Variants in GPRIN1 observed in about 807,000 individuals in gnomAD.
GPRIN1 encodes G protein regulated inducer of neurite outgrowth 1.
Under a neutral mutation model 2.8 loss-of-function variants are expected in GPRIN1, and 4 were observed. The observed-to-expected ratio is 1.45, with a 90% CI of 0.71 to 3.32. GPRIN1 has a LOEUF of 3.32. GPRIN1 is among the 30% of genes most tolerant of loss of function. The probability of loss-of-function intolerance (pLI) is 0.01; values close to 1 mark genes in which losing one functional copy is unlikely to be tolerated. For missense variants in GPRIN1, 1,322 were observed against 1,343.4 expected, an observed-to-expected ratio of 0.98 and a Z score of 0.25; for synonymous variants, 589 against 589.9, an observed-to-expected ratio of 1.00 and a Z score of 0.02.
intron 1 of GPRIN1, among the ~76,000 whole-genome samples, chr5:176,609,335 G>A (rs931011027): frequency 1.3e-5 from 2 of 152,170 alleles, no homozygotes; most frequent in African/African-American, 4.8e-5. Flanking sequence ...TGAGTGCGTA[G>A]CTGTGCCTGG....
Position 176,598,333 on chromosome 5 carries a change from C to G in GPRIN1, c.1502G>C (p.Gly501Ala), listed in dbSNP as rs201171426. 6 of 1,613,810 alleles carry G rather than the reference C, an allele frequency of 3.7e-6. No homozygotes were observed. The highest frequency in any genetic ancestry group is 5.1e-6 in the Non-Finnish European group (6 of 1,179,746). ...SSGPGDPRSLGTAGPPSAVKA... is the reference protein window; with the variant it reads ...SSGPGDPRSLATAGPPSAVKA... Reference sequence around the variant, plus strand: ...TACTGCAGATGGGGGACCTGCTGTCCCCAAGGACCTGGGATCGCCTGGACC... The same window carrying G: ...TACTGCAGATGGGGGACCTGCTGTCGCCAAGGACCTGGGATCGCCTGGACC... The change falls in exon 2 of 2, where the codon GGG becomes GCG. Residue 501 changes from glycine (G) to alanine (A), a missense_variant. Physicochemically the swap from Gly to Ala is moderately conservative, Grantham distance 60. This residue lies in a region of GPRIN1 where 1,117 missense variants were observed against 1,128.6 expected (regional missense o/e 0.99). Transcript: ENST00000303991.
rs965068609 is a variant in GPRIN1, at chr5:176,595,987, G to A, written c.*821C>T. ...GGTTATAGAATGAGCTCTCTGTCCT[G>A]TCCCCAATACCCAAGAACACCGGTC... On this transcript the variant is annotated 3_prime_UTR_variant, in exon 2 of 2. Transcript: ENST00000303991. 6 of 229,756 alleles carry A rather than the reference G, an allele frequency of 2.6e-5. No homozygotes were observed. Among genetic ancestry groups the A allele is most frequent in the Non-Finnish European group, 5.0e-5 (6 of 119,164 alleles). The allele number at this position is 229,756 out of a possible 1,614,324, so 14.2% of individuals were successfully genotyped here.
At position 176,608,165 on chromosome 5, in the gene GPRIN1, C is replaced by T. The variant is rs576573616; in HGVS notation, c.-44+1834G>A. ...AAATTCCTGGCCTCAAGCAATCCTCCTGCCTGGGCTTCTCAAAGTATTGGG... is the reference window on the plus strand; with the variant it reads ...AAATTCCTGGCCTCAAGCAATCCTCTTGCCTGGGCTTCTCAAAGTATTGGG... On this transcript the variant is annotated intron_variant, in intron 1 of 1. Transcript: ENST00000303991. 2.6e-5 allele frequency among the ~76,000 whole-genome samples: 4 copies of T among 152,040 alleles called. No individual in the cohort carries two copies. The East Asian group carries it at 7.7e-4, about 29-fold the overall frequency.
In GPRIN1 at chr5:176,604,448, C is replaced by G. The variant is rs372144164; in HGVS notation, c.-43-4571G>C. On this transcript the variant is annotated intron_variant, in intron 1 of 1. Transcript: ENST00000303991. The stretch of plus-strand genomic sequence containing the variant: ...TTGCCCAGGCTGGAGTGCAGTGGCG[C>G]GATCTCGGCTCACTGCAGCCTTGAC... Among the ~76,000 whole-genome samples the G allele has an allele frequency of 2.0e-5, 3 of 152,196 alleles. No individual in the cohort carries two copies. In the South Asian group the frequency reaches 6.2e-4, roughly 32 times the overall value.
chr5:176,600,142 C>T (rs1759124312), intron 1 of GPRIN1, among the ~76,000 whole-genome samples: 1 of 152,144 alleles, frequency 6.6e-6, no homozygotes, highest in South Asian at 2.1e-4. Context: ...TTTTTTGAGA[C>T]AGAGTTTCGC....
Position 176,598,031 on chromosome 5 carries a change from G to C in GPRIN1, c.1804C>G (p.Pro602Ala). 6.2e-7 allele frequency: 1 copy of C among 1,614,018 alleles called. No homozygotes were observed. Among genetic ancestry groups the C allele is most frequent in the Non-Finnish European group, 8.5e-7 (1 of 1,179,980 alleles). The change falls in exon 2 of 2, where the codon CCA (proline) becomes GCA (alanine). Residue 602 changes from proline (P) to alanine (A), a missense_variant. Pro to Ala is a conservative substitution (Grantham distance 27). Around this residue, in one of 3 missense-constraint regions of GPRIN1, gnomAD observed 1,117 missense variants for 1,128.6 expected, o/e 0.99. Coordinates refer to ENST00000303991, the MANE Select transcript of GPRIN1 (RefSeq NM_052899.3). ...PVSLGKAEAI[P>A]EGKVGSLPLE... ...GGCAGAGAACCCACTTTTCCCTCTGGGATAGCTTCTGCTTTTCCCAGGGAC... is the reference window on the plus strand; with the variant it reads ...GGCAGAGAACCCACTTTTCCCTCTGCGATAGCTTCTGCTTTTCCCAGGGAC...
intron 1 of GPRIN1, among the ~76,000 whole-genome samples, chr5:176,604,380 C>G (rs1022255032): frequency 2.0e-5 from 3 of 152,204 alleles, no homozygotes; most frequent in Admixed American, 2.0e-4. Flanking sequence ...CACTGGAAAC[C>G]CTGGAAGTAT....
At position 176,607,688 on chromosome 5, in the gene GPRIN1, G is replaced by T. The variant is rs184523256; in HGVS notation, c.-44+2311C>A. On this transcript the variant is annotated intron_variant, in intron 1 of 1. Coordinates refer to ENST00000303991, the MANE Select transcript of GPRIN1 (RefSeq NM_052899.3). ...TGGATCCCACAACAATCTCATGAGG[G>T]GGGCATTATCATCCCATTTCACAGA... 5.8e-3 allele frequency among the ~76,000 whole-genome samples: 876 copies of T among 152,008 alleles called. 2 individuals carry two copies. The highest frequency in any genetic ancestry group is 9.2e-3 in the Non-Finnish European group (627 of 67,992).
In GPRIN1 at chr5:176,597,322, G is replaced by C; in HGVS notation, c.2513C>G (p.Ser838Trp). ...CGGCGCCGCCTGGAAGCTGAAGGCC[G>C]AGCCCCCAGCGCCGTCCTGCGGAGA... ...PMSPQDGAGGSAFSFQAAPRA... is the reference protein window; with the variant it reads ...PMSPQDGAGGWAFSFQAAPRA... The change falls in exon 2 of 2, where the codon TCG becomes TGG. Residue 838 changes from serine (S) to tryptophan (W), a missense_variant. Physicochemically the swap from Ser to Trp is radical, Grantham distance 177. This residue lies in a region of GPRIN1 where 1,117 missense variants were observed against 1,128.6 expected (regional missense o/e 0.99). Transcript: ENST00000303991. The surrounding 1 kb of genome is among the most constrained non-coding windows in gnomAD (Gnocchi z 6.1). 2 of 1,236,300 alleles carry C rather than the reference G, an allele frequency of 1.6e-6. No individual in the cohort carries two copies. The highest frequency in any genetic ancestry group is 2.0e-6 in the Non-Finnish European group (2 of 991,680). The allele number at this position is 1,236,300 out of a possible 1,614,324, so 76.6% of individuals were successfully genotyped here. A position where few individuals can be genotyped will look rare whatever the true frequency, so the allele number is the denominator to read the frequency against.
In GPRIN1 at chr5:176,596,915, C is replaced by T. The variant is rs1759045345; in HGVS notation, c.2920G>A (p.Ala974Thr). The change falls in exon 2 of 2, where the codon GCG becomes ACG. Residue 974 changes from alanine to threonine, a missense_variant. Ala to Thr is a moderately conservative substitution (Grantham distance 58). Coordinates refer to ENST00000303991, the MANE Select transcript of GPRIN1 (RefSeq NM_052899.3). This position sits in a 1 kb window ranked among gnomAD's most constrained non-coding sequence, Gnocchi z 5.2. ...CGCTTGGCGGCGCCATCTGGGGGCG[C>T]GGTGCGCACCGAGCCCGAACGGCCG... ...GPGRSGSVRT[A>T]PPDGAAKRPP... is the part of the protein sequence containing the mutation. 7.5e-6 allele frequency: 9 copies of T among 1,206,756 alleles called. No individual in the cohort carries two copies. The highest frequency in any genetic ancestry group is 9.3e-6 in the Non-Finnish European group (9 of 972,354). 74.8% of individuals were successfully genotyped at this position (1,206,756 alleles called of 1,614,324 possible). A position where few individuals can be genotyped will look rare whatever the true frequency, so the allele number is the denominator to read the frequency against.
chr5:176,595,938 G>T lies in GPRIN1; in HGVS notation c.*870C>A. 2.8e-6 allele frequency: 1 copy of T among 352,846 alleles called. No homozygotes were observed. The highest frequency in any genetic ancestry group is 5.1e-6 in the Non-Finnish European group (1 of 196,628). The allele number at this position is 352,846 out of a possible 1,614,324, so 21.9% of individuals were successfully genotyped here. A position where few individuals can be genotyped will look rare whatever the true frequency, so the allele number is the denominator to read the frequency against. On this transcript the variant is annotated 3_prime_UTR_variant, in exon 2 of 2. Coordinates refer to ENST00000303991, the MANE Select transcript of GPRIN1 (RefSeq NM_052899.3). Reference sequence around the variant, plus strand: ...CACAGGGGGGACAAGGGGCTGGAGAGGGTGGCCTTTAAAAGACAACTGTGG... The same window carrying T: ...CACAGGGGGGACAAGGGGCTGGAGATGGTGGCCTTTAAAAGACAACTGTGG...
chr5:176,597,892 G>A lies in GPRIN1; in HGVS notation c.1943C>T (p.Ala648Val). ...AETKLPGQEG[A>V]AAPGEAGAVC... ...AGCCCCTGCTTCCCCTGGTGCTGCA[G>A]CGCCCTCTTGCCCAGGGAGCTTTGT... Residue 648 changes from alanine (A) to valine (V), a missense_variant, in exon 2 of 2, where the codon GCT becomes GTT. Around this residue, in one of 3 missense-constraint regions of GPRIN1, gnomAD observed 1,117 missense variants for 1,128.6 expected, o/e 0.99. Coordinates refer to ENST00000303991, the MANE Select transcript of GPRIN1 (RefSeq NM_052899.3). The surrounding 1 kb of genome is among the most constrained non-coding windows in gnomAD (Gnocchi z 6.1). 1 of 1,613,854 alleles carries A rather than the reference G, an allele frequency of 6.2e-7. No individual in the cohort carries two copies. Among genetic ancestry groups the A allele is most frequent in the South Asian group, 1.1e-5 (1 of 91,076 alleles).
In GPRIN1 at chr5:176,597,067, T is replaced by C; in HGVS notation, c.2768A>G (p.Glu923Gly). The change falls in exon 2 of 2, where the codon GAG (glutamate) becomes GGG (glycine). Residue 923 changes from glutamate (E) to glycine (G), a missense_variant. Glu to Gly is a moderately conservative substitution (Grantham distance 98). Around this residue, in one of 3 missense-constraint regions of GPRIN1, gnomAD observed 196 missense variants for 189.2 expected, o/e 1.04. Coordinates refer to ENST00000303991, the MANE Select transcript of GPRIN1 (RefSeq NM_052899.3). This position sits in a 1 kb window ranked among gnomAD's most constrained non-coding sequence, Gnocchi z 6.1. The stretch of plus-strand genomic sequence containing the variant: ...CACCTCCATGGCGGCGCCGTATACC[T>C]CCCACGTCATGCCCTTCTCGTCCCA... ...VSWDEKGMTW[E>G]VYGAAMEVEV... The C allele has an allele frequency of 6.6e-7, 1 of 1,511,078 alleles. No homozygotes were observed. The highest frequency in any genetic ancestry group is 8.9e-7 in the Non-Finnish European group (1 of 1,127,846). The allele number at this position is 1,511,078 out of a possible 1,614,324, so 93.6% of individuals were successfully genotyped here. A position where few individuals can be genotyped will look rare whatever the true frequency, so the allele number is the denominator to read the frequency against.
rs1404776457 is a variant in GPRIN1 at position 176,602,985 on chromosome 5, T to C, written c.-43-3108A>G. Among the ~76,000 whole-genome samples, 9 of 152,208 alleles carry C rather than the reference T, an allele frequency of 5.9e-5. No individual in the cohort carries two copies. Among genetic ancestry groups the C allele is most frequent in the Non-Finnish European group, 7.3e-5 (5 of 68,030 alleles). On this transcript the variant is annotated intron_variant, in intron 1 of 1. Coordinates refer to ENST00000303991, the MANE Select transcript of GPRIN1 (RefSeq NM_052899.3). This position sits in a 1 kb window ranked among gnomAD's most constrained non-coding sequence, Gnocchi z 4.4. ...TATAAAACTTTTAGCAGTGACTGCC[T>C]CTCAGAAGGAAGAGCGGGGATCTGA...
chr5:176,597,163 AC>A lies in GPRIN1; in HGVS notation c.2671del (p.Val891CysfsTer11), dbSNP rs778749574. The A allele has an allele frequency of 7.2e-7, 1 of 1,392,222 alleles. No individual in the cohort carries two copies. Among genetic ancestry groups the A allele is most frequent in the Non-Finnish European group, 9.3e-7 (1 of 1,070,014 alleles). 86.2% of individuals were successfully genotyped at this position (1,392,222 alleles called of 1,614,324 possible). On this transcript the variant is annotated frameshift_variant, in exon 2 of 2. Transcript: ENST00000303991. LOFTEE classifies it low-confidence loss of function (END_TRUNC). The surrounding 1 kb of genome is among the most constrained non-coding windows in gnomAD (Gnocchi z 6.1). Reference sequence around the variant, plus strand: ...GGCCGCCAGCGCTGAGCCGGGCCGCACCCGCACTTCGGGGAAGGCGGGCGGC... The same window carrying A: ...GGCCGCCAGCGCTGAGCCGGGCCGCACCGCACTTCGGGGAAGGCGGGCGGC... ...AAPPAFPEVR[V>X]RPGSALAAAV...
rs140600683 is a variant in GPRIN1 at position 176,599,187 on chromosome 5, T to G, written c.648A>C (p.Lys216Asn). ...VRKEDLGSLGKVDPLCSSKTY... is the reference protein window; with the variant it reads ...VRKEDLGSLGNVDPLCSSKTY... The stretch of plus-strand genomic sequence containing the variant: ...TCTTGCTGGAGCACAAAGGATCTAC[T>G]TTTCCCAGGGATCCAAGATCTTCCT... The change falls in exon 2 of 2, where the codon AAA becomes AAC. Residue 216 changes from lysine to asparagine, a missense_variant. Coordinates refer to ENST00000303991, the MANE Select transcript of GPRIN1 (RefSeq NM_052899.3). 8 of 1,613,682 alleles carry G rather than the reference T, an allele frequency of 5.0e-6. No individual in the cohort carries two copies. The highest frequency in any genetic ancestry group is 6.8e-6 in the Non-Finnish European group (8 of 1,179,906).
chr5:176,598,978 G>C lies in GPRIN1; in HGVS notation c.857C>G (p.Ser286Trp). ...CGAGGGCCCAGGATCTCTCTTTCCCGACAATACAAGATCTACCTTTTCTGC... is the reference window on the plus strand; with the variant it reads ...CGAGGGCCCAGGATCTCTCTTTCCCCACAATACAAGATCTACCTTTTCTGC... ...TSAEKVDLVL[S>W]GKRDPGPSGK... The change falls in exon 2 of 2, where the codon TCG becomes TGG. Residue 286 changes from serine (S) to tryptophan (W), a missense_variant. By Grantham distance (177) the Ser-to-Trp change is radical (BLOSUM62 -3). This residue lies in a region of GPRIN1 where 1,117 missense variants were observed against 1,128.6 expected (regional missense o/e 0.99). Transcript: ENST00000303991. 1 of 1,614,076 alleles carries C rather than the reference G, an allele frequency of 6.2e-7. No homozygotes were observed.
Position 176,598,017 on chromosome 5 carries a change from CACTTTTCCCTCTGGGATAGCTTCT to C in GPRIN1, c.1794_1817del (p.Glu599_Val606del). On this transcript the variant is annotated inframe_deletion, in exon 2 of 2. Coordinates refer to ENST00000303991, the MANE Select transcript of GPRIN1 (RefSeq NM_052899.3). Reference sequence around the variant, plus strand: ...TCCCCTTCTCTAGAGGCAGAGAACCCACTTTTCCCTCTGGGATAGCTTCTGCTTTTCCCAGGGACACGGGATCCA... The same window carrying C: ...TCCCCTTCTCTAGAGGCAGAGAACCCGCTTTTCCCAGGGACACGGGATCCA... 1 of 1,614,136 alleles carries C rather than the reference CACTTTTCCCTCTGGGATAGCTTCT, an allele frequency of 6.2e-7. No homozygotes were observed.
Position 176,598,820 on chromosome 5 carries a change from G to A in GPRIN1, c.1015C>T (p.Pro339Ser), listed in dbSNP as rs371297015. 4 of 1,613,858 alleles carry A rather than the reference G, an allele frequency of 2.5e-6. No homozygotes were observed. Among genetic ancestry groups the A allele is most frequent in the Non-Finnish European group, 3.4e-6 (4 of 1,180,028 alleles). Reference protein sequence around the residue: ...NGPVSSGTGAPGSLGRLDPTC... With the variant: ...NGPVSSGTGASGSLGRLDPTC... ...GGATCCAGCCTTCCCAAGGACCCAGGAGCCCCGGTCCCAGAGGATACAGGC... is the reference window on the plus strand; with the variant it reads ...GGATCCAGCCTTCCCAAGGACCCAGAAGCCCCGGTCCCAGAGGATACAGGC... Residue 339 changes from proline (P) to serine (S), a missense_variant, in exon 2 of 2, where the codon CCT becomes TCT. Coordinates refer to ENST00000303991, the MANE Select transcript of GPRIN1 (RefSeq NM_052899.3).
Sources: allele counts gnomAD v4.1 joint callset (sites outside exome capture counted in the v4.1 genomes callset), GRCh38; gene constraint gnomAD v4.1.1; regional missense constraint gnomAD v4.1.1; non-coding constraint Gnocchi (gnomAD v3.1); transcripts MANE v1.5; gene names NCBI Gene and HGNC (gene_info 2026-07-23, HGNC 2026-07-21).